Variants in MDGA2 observed in about 807,000 individuals in gnomAD.
MDGA2 encodes the protein MAM domain containing glycosylphosphatidylinositol anchor 2, also known as MAM domain-containing glycosylphosphatidylinositol anchor protein 2.
A neutral mutation model predicts 117.8 loss-of-function variants in MDGA2; 40 were observed. The observed-to-expected ratio is 0.34, with a 90% CI of 0.26 to 0.44. The LOEUF (loss-of-function observed/expected upper bound fraction) is 0.44, where lower values mean the gene tolerates loss of function less well. Among genes scored for constraint, MDGA2 ranks in the 20% least tolerant of loss-of-function variants. The pLI is 1.00. For synonymous variants in MDGA2, 452 were observed against 439.0 expected, an observed-to-expected ratio of 1.03 and a Z score of -0.37; for missense variants, 1,123 against 1,250.6, an observed-to-expected ratio of 0.90 and a Z score of 1.54.
At chr14:46,880,670 C>CACA (rs1882410326) in intron 11 of MDGA2, among the ~76,000 whole-genome samples, 1 of 151,324 alleles carries the variant, frequency 6.6e-6, no homozygotes, top group Non-Finnish European at 1.5e-5. Context: ...GGCATGGTGG[C>CACA]ACATGCCTGT....
intron 7 of MDGA2, among the ~76,000 whole-genome samples, chr14:47,039,905 G>GCT (rs574067813): frequency 1.3e-5 from 2 of 149,306 alleles, no homozygotes; most frequent in African/African-American, 5.0e-5. Flanking sequence ...AGCTCTCTTG[G>GCT]CTCTCTCTCA....
chr14:47,064,746 T>C (rs1003394680), intron 6 of MDGA2, among the ~76,000 whole-genome samples: 2 of 152,218 alleles, frequency 1.3e-5, no homozygotes, highest in Admixed American at 1.3e-4. Context: ...ATATAAAGTG[T>C]TTGATGTAGT....
intron 1 of MDGA2, among the ~76,000 whole-genome samples, chr14:47,308,537 G>T (rs1594786588): frequency 3.5e-5 from 4 of 113,116 alleles, no homozygotes; most frequent in Admixed American, 1.2e-4. Flanking sequence ...ATTCAACTCT[G>T]TCAACTTCAG....
At chr14:47,525,491 C>T (rs1894952756) in intron 1 of MDGA2, among the ~76,000 whole-genome samples, 1 of 152,038 alleles carries the variant, frequency 6.6e-6, no homozygotes, top group Non-Finnish European at 1.5e-5. Flanking sequence ...TTGAGACTAG[C>T]CTGGTCAACA....
At chr14:46,979,021 C>A (rs985364123) in intron 8 of MDGA2, among the ~76,000 whole-genome samples, 1 of 152,006 alleles carries the variant, frequency 6.6e-6, no homozygotes, top group Non-Finnish European at 1.5e-5. Context: ...AGATCTGTGC[C>A]AACCCTGCAT....
intron 1 of MDGA2, among the ~76,000 whole-genome samples, chr14:47,624,793 G>A (rs186211045): frequency 6.6e-6 from 1 of 152,220 alleles, no homozygotes; most frequent in Admixed American, 6.5e-5. Flanking sequence ...AACAAGAAAT[G>A]CTTCTCAGAT....
chr14:47,395,790 A>G (rs1430993059), intron 1 of MDGA2, among the ~76,000 whole-genome samples: 1 of 152,124 alleles, frequency 6.6e-6, no homozygotes, highest in Non-Finnish European at 1.5e-5. Context: ...TAACTTTTAA[A>G]TCATGTTCAT....
At chr14:47,321,622 T>C (rs1338433182) in intron 1 of MDGA2, among the ~76,000 whole-genome samples, 1 of 152,092 alleles carries the variant, frequency 6.6e-6, no homozygotes, top group African/African-American at 2.4e-5. Flanking sequence ...CAGACTACCC[T>C]GTGATACTCA....
intron 1 of MDGA2, among the ~76,000 whole-genome samples, chr14:47,639,974 G>A (rs1897392821): frequency 6.6e-6 from 1 of 152,158 alleles, no homozygotes; most frequent in Non-Finnish European, 1.5e-5. Context: ...GTAAAGAATG[G>A]AAGGTAAGTA....
intron 1 of MDGA2, among the ~76,000 whole-genome samples, chr14:47,614,191 A>G (rs576430496): frequency 6.9e-6 from 1 of 145,812 alleles, no homozygotes; most frequent in South Asian, 2.2e-4. Flanking sequence ...CTGGGTTCAG[A>G]TGGTTCTCTT....
At chr14:46,953,241 T>C (rs1885433248) in intron 9 of MDGA2, among the ~76,000 whole-genome samples, 1 of 151,814 alleles carries the variant, frequency 6.6e-6, no homozygotes, top group Non-Finnish European at 1.5e-5. Flanking sequence ...AGAGTACATA[T>C]TGGTGGTTTT....
intron 5 of MDGA2, among the ~76,000 whole-genome samples, chr14:47,105,262 T>A (rs1880588041): frequency 6.6e-6 from 1 of 152,054 alleles, no homozygotes; most frequent in Non-Finnish European, 1.5e-5. Context: ...CCCAACCTCT[T>A]ATCTCTGTGC....
chr14:47,399,085 C>T (rs1415853461), intron 1 of MDGA2, among the ~76,000 whole-genome samples: 1 of 151,962 alleles, frequency 6.6e-6, no homozygotes, highest in Non-Finnish European at 1.5e-5. Context: ...TCCTCTCCAG[C>T]CAAGAAAGAA....
intron 1 of MDGA2, among the ~76,000 whole-genome samples, chr14:47,541,036 T>C (rs1227559171): frequency 6.6e-6 from 1 of 152,204 alleles, no homozygotes; most frequent in Non-Finnish European, 1.5e-5. Flanking sequence ...GATTAGATTA[T>C]TGCTTGCTCC....
At chr14:47,316,990 G>T (rs1207429665) in intron 1 of MDGA2, among the ~76,000 whole-genome samples, 2 of 152,008 alleles carry the variant, frequency 1.3e-5, no homozygotes, top group Non-Finnish European at 2.9e-5. Context: ...AGGCCTTTTT[G>T]ACAAGTTCTC....
At chr14:47,315,091 T>C (rs1187513651) in intron 1 of MDGA2, among the ~76,000 whole-genome samples, 2 of 152,042 alleles carry the variant, frequency 1.3e-5, no homozygotes, top group East Asian at 3.9e-4. Context: ...GCACATTTTT[T>C]CCCCCAGAGC....
intron 14 of MDGA2, among the ~76,000 whole-genome samples, chr14:46,872,446 C>T (rs143487324): frequency 1.5e-3 from 226 of 151,884 alleles, no homozygotes; most frequent in Middle Eastern, 6.8e-3. Flanking sequence ...GTGACTCATT[C>T]CTCAACTAGA....
intron 15 of MDGA2, among the ~76,000 whole-genome samples, chr14:46,846,517 G>A (rs1038183153): frequency 9.2e-5 from 14 of 152,044 alleles, no homozygotes; most frequent in African/African-American, 3.1e-4. Flanking sequence ...AATTTATGGT[G>A]TCTATAACAA....
intron 6 of MDGA2, among the ~76,000 whole-genome samples, chr14:47,070,915 G>T (rs1324406996): frequency 1.3e-5 from 2 of 152,226 alleles, no homozygotes; most frequent in Non-Finnish European, 2.9e-5. Context: ...GCCTATTCCA[G>T]TACTTCCTAT....
Sources: allele counts gnomAD v4.1 joint callset (sites outside exome capture counted in the v4.1 genomes callset), GRCh38; gene constraint gnomAD v4.1.1; transcripts MANE v1.5; gene names NCBI Gene and HGNC (gene_info 2026-07-23, HGNC 2026-07-21).